Variants in CEP83 observed in about 807,000 individuals in gnomAD.
CEP83 encodes centrosomal protein 83.
Under a neutral mutation model 101.9 loss-of-function variants are expected in CEP83, and 70 were observed. The ratio of observed to expected loss-of-function variants is 0.69; its 90% confidence interval spans 0.57 to 0.84. The LOEUF (loss-of-function observed/expected upper bound fraction) is 0.84. Ranked by LOEUF, CEP83 falls within the 40% of genes least tolerant of loss-of-function variation. CEP83 has a pLI of 0.00. For synonymous variants in CEP83, 264 were observed against 267.9 expected (o/e 0.99, Z 0.14); for missense variants, 715 against 787.2 (o/e 0.91, Z 1.10).
Position 94,351,627 on chromosome 12 carries a change from GGGCACT to G in CEP83, c.1344-15969_1344-15964del, listed in dbSNP as rs573107255. Reference sequence around the variant, plus strand: ...GCAGGGAGGCCACCTCCAAGACCAAGGGCACTGGTGCATGCAGTCCCTAGGGTTTAA... The same window carrying G: ...GCAGGGAGGCCACCTCCAAGACCAAGGGTGCATGCAGTCCCTAGGGTTTAA... On this transcript the variant is annotated intron_variant, in intron 11 of 16. Coordinates refer to ENST00000397809, the MANE Select transcript of CEP83 (RefSeq NM_016122.3). Among the ~76,000 whole-genome samples the G allele has an allele frequency of 9.1e-4, 139 of 152,262 alleles. 1 individual carries two copies. The highest frequency in any genetic ancestry group is 4.8e-3 in the East Asian group (25 of 5,182).
In CEP83 at chr12:94,335,585, A is replaced by C. The variant is rs753727360; in HGVS notation, c.1419+4T>G. The C allele has an allele frequency of 1.2e-5, 19 of 1,531,680 alleles. No homozygotes were observed. In the Admixed American group the frequency reaches 2.8e-4, roughly 23 times the overall value. The allele number at this position is 1,531,680 out of a possible 1,614,324, so 94.9% of individuals were successfully genotyped here. Reference sequence around the variant, plus strand: ...TAAAAGGAAAATCTTCGCTAAAATCATACCTGTTTTAGGTCAGAATTTTCA... The same window carrying C: ...TAAAAGGAAAATCTTCGCTAAAATCCTACCTGTTTTAGGTCAGAATTTTCA... On this transcript the variant is annotated splice_donor_region_variant and intron_variant, in intron 12 of 16. Coordinates refer to ENST00000397809, the MANE Select transcript of CEP83 (RefSeq NM_016122.3).
chr12:94,432,095 C>A (rs1372107824), intron 2 of CEP83, among the ~76,000 whole-genome samples: 1 of 151,372 alleles, frequency 6.6e-6, no homozygotes, highest in African/African-American at 2.4e-5. Flanking sequence ...CGCTCTGTAG[C>A]CCAGGCTGGA....
chr12:94,279,490 G>GA, the CEP83 span: 1 of 1,613,372 alleles, frequency 6.2e-7, no homozygotes, highest in East Asian at 2.2e-5. Flanking sequence ...CGTCGTCTTT[G>GA]AAAAAATCCC....
the CEP83 span, among the ~76,000 whole-genome samples, chr12:94,273,786 C>G: frequency 6.6e-6 from 1 of 152,166 alleles, no homozygotes; most frequent in African/African-American, 2.4e-5. Flanking sequence ...ACAAAATGAG[C>G]TCTGGCAGTT....
Position 94,308,613 on chromosome 12 carries a change from A to C in CEP83, c.*200T>G. The C allele has an allele frequency of 2.7e-6, 1 of 368,772 alleles. No individual in the cohort carries two copies. Among genetic ancestry groups the C allele is most frequent in the Non-Finnish European group, 4.9e-6 (1 of 204,276 alleles). 22.8% of individuals were successfully genotyped at this position (368,772 alleles called of 1,614,324 possible). On this transcript the variant is annotated 3_prime_UTR_variant, in exon 17 of 17. Coordinates refer to ENST00000397809, the MANE Select transcript of CEP83 (RefSeq NM_016122.3). The stretch of plus-strand genomic sequence containing the variant: ...TCAAATATTCTAAATATCTCTGAGA[A>C]TTTCTCTTTTAATGCTTCACTTGTA...
intron 2 of CEP83, chr12:94,424,139 G>C: frequency 6.2e-7 from 1 of 1,603,264 alleles, no homozygotes; most frequent in Non-Finnish European, 8.5e-7. Flanking sequence ...GGAGAGTGCA[G>C]ACCGAGCAAG....
chr12:94,300,965 A>G, the CEP83 span: 3 of 1,613,820 alleles, frequency 1.9e-6, no homozygotes, highest in Non-Finnish European at 1.7e-6. Flanking sequence ...TGTCTTTGAC[A>G]TTAAGAAGAC....
chr12:94,282,247 AGTG>A, the CEP83 span: 18 of 1,239,886 alleles, frequency 1.5e-5, no homozygotes, highest in Non-Finnish European at 2.4e-6. Flanking sequence ...GTGAAAGTAA[AGTG>A]GTGGCATTTT....
chr12:94,278,045 C>G, the CEP83 span: 1 of 456,066 alleles, frequency 2.2e-6, no homozygotes, highest in Non-Finnish European at 4.4e-6. Flanking sequence ...CCTCCTCTTT[C>G]GGCTTTGGAG....
At chr12:94,275,624 C>T in the CEP83 span, among the ~76,000 whole-genome samples, 8 of 86,314 alleles carry the variant, frequency 9.3e-5, 2 homozygotes, top group African/African-American at 3.5e-4. Flanking sequence ...GAGGCCGAGG[C>T]GGGCGGATCA....
intron 12 of CEP83, among the ~76,000 whole-genome samples, chr12:94,334,849 C>T (rs1020293079): frequency 6.6e-6 from 1 of 152,116 alleles, no homozygotes; most frequent in African/African-American, 2.4e-5. Context: ...GAATAAGCAA[C>T]CTTCAAAGAG....
At chr12:94,333,061 A>AAC (rs2059299408) in intron 13 of CEP83, among the ~76,000 whole-genome samples, 2 of 151,186 alleles carry the variant, frequency 1.3e-5, no homozygotes, top group South Asian at 4.2e-4. Flanking sequence ...AAAAAAAAAA[A>AAC]AAAACAAATA....
intron 2 of CEP83, among the ~76,000 whole-genome samples, chr12:94,417,392 C>G (rs2064359871): frequency 6.6e-6 from 1 of 152,088 alleles, no homozygotes; most frequent in Admixed American, 6.5e-5. Flanking sequence ...GTAGTATGCC[C>G]TCTTTCCTCT....
intron 13 of CEP83, 23 bp downstream of exon 13, chr12:94,333,459 T>C: frequency 6.3e-7 from 1 of 1,589,736 alleles, no homozygotes; most frequent in Non-Finnish European, 8.5e-7. Flanking sequence ...AAAAATAGTT[T>C]GTACATAAAG....
chr12:94,449,163 T>C (rs1027149708), intron 1 of CEP83, among the ~76,000 whole-genome samples: 22 of 152,082 alleles, frequency 1.4e-4, no homozygotes, highest in Non-Finnish European at 2.5e-4. Context: ...ATCAACAAAT[T>C]AGATAATTTA....
At chr12:94,424,691 G>A in intron 2 of CEP83, 1 of 1,611,256 alleles carries the variant, frequency 6.2e-7, no homozygotes, top group Middle Eastern at 1.7e-4. Flanking sequence ...ACATTTGTTT[G>A]TGGTCTTGTC....
chr12:94,442,813 A>T (rs567832588), intron 1 of CEP83, among the ~76,000 whole-genome samples: 6 of 152,188 alleles, frequency 3.9e-5, no homozygotes, highest in African/African-American at 1.4e-4. Flanking sequence ...TTTCCTAACC[A>T]CTACCCATCC....
At chr12:94,266,449 A>G in the CEP83 span, among the ~76,000 whole-genome samples, 1 of 152,252 alleles carries the variant, frequency 6.6e-6, no homozygotes, top group Non-Finnish European at 1.5e-5. Flanking sequence ...TTGAGCATCT[A>G]GCAGAATCGC....
chr12:94,412,696 T>C, intron 2 of CEP83, 105 bp from the exon 3 acceptor site: 69 of 239,040 alleles, frequency 2.9e-4, no homozygotes, highest in East Asian at 9.3e-4. Flanking sequence ...TTTTTTTCTT[T>C]TTTTTTTTTT....
Sources: gnomAD v4.1 joint callset for allele counts (sites outside exome capture counted in the v4.1 genomes callset) on GRCh38, gnomAD v4.1.1 for gene constraint, MANE v1.5 for transcripts, NCBI Gene and HGNC (gene_info 2026-07-23, HGNC 2026-07-21) for gene names.